The following PA2G4 variants were observed in gnomAD, a reference collection of about 807,000 sequenced individuals.
PA2G4 encodes proliferation-associated protein 2G4.
Under a neutral mutation model 53.3 loss-of-function variants are expected in PA2G4, and 8 were observed. The observed-to-expected ratio is 0.15, with a 90% CI of 0.09 to 0.27. The LOEUF (loss-of-function observed/expected upper bound fraction) is 0.27. Ranked by LOEUF, PA2G4 falls within the 10% of genes least tolerant of loss-of-function variation. The pLI is 1.00. For synonymous variants in PA2G4, 143 were observed against 169.8 expected (o/e 0.84, Z 1.23); for missense variants, 208 against 486.8 (o/e 0.43, Z 5.39).
At chr12:56,105,139 T>C (rs547546684) in intron 1 of PA2G4, 43 of 609,278 alleles carry the variant, frequency 7.1e-5, no homozygotes, top group Non-Finnish European at 9.5e-5. Context: ...TCATTCCCGA[T>C]TATTGCTTCC....
rs1869319252 is a variant in PA2G4, at chr12:56,107,174, T to C, written c.324-13T>C. ...GCCAGTTCCTAATGCAGTACTCTGA[T>C]CTTGCCTTTCAGTGACCTTGGGGTC... On this transcript the variant is annotated splice_polypyrimidine_tract_variant and intron_variant, in intron 3 of 12. Transcript: ENST00000303305. 6.2e-7 allele frequency: 1 copy of C among 1,612,368 alleles called. No individual in the cohort carries two copies. The highest frequency in any genetic ancestry group is 8.5e-7 in the Non-Finnish European group (1 of 1,178,364).
intron 7 of PA2G4, 152 bp downstream of exon 7, chr12:56,110,087 G>A (rs1404899799): frequency 1.6e-5 from 11 of 673,898 alleles, no homozygotes; most frequent in African/African-American, 3.5e-5. Context: ...GGCCGGGCGC[G>A]GTGGCTCACG....
At position 56,113,770 on chromosome 12, in the gene PA2G4, G is replaced by A; in HGVS notation, c.*882G>A. ...GCTATGGACTTGGATTGGATTGCTG[G>A]GGGTTTGTAGAGAAAGGTGACAAAT... On this transcript the variant is annotated 3_prime_UTR_variant, in exon 13 of 13. Transcript: ENST00000303305. 1.4e-6 allele frequency: 1 copy of A among 693,762 alleles called. No individual in the cohort carries two copies. The allele number at this position is 693,762 out of a possible 1,614,324, so 43.0% of individuals were successfully genotyped here. A position where few individuals can be genotyped will look rare whatever the true frequency, so the allele number is the denominator to read the frequency against.
Position 56,106,663 on chromosome 12 carries a change from T to C in PA2G4, c.164T>C (p.Met55Thr), listed in dbSNP as rs1869308384. ...VLSLCEKGDA[M>T]IMEETGKIFK... ...AGCCTGTGTGAGAAAGGTGATGCCATGATTATGGAAGAAACAGGGAAAATC... is the reference window on the plus strand; with the variant it reads ...AGCCTGTGTGAGAAAGGTGATGCCACGATTATGGAAGAAACAGGGAAAATC... The change falls in exon 2 of 13, where the codon ATG becomes ACG. Residue 55 changes from methionine (M) to threonine (T), a missense_variant. Physicochemically the swap from Met to Thr is moderately conservative, Grantham distance 81. Coordinates refer to ENST00000303305, the MANE Select transcript of PA2G4 (RefSeq NM_006191.3). 1.2e-6 allele frequency: 2 copies of C among 1,604,962 alleles called. No individual in the cohort carries two copies. The highest frequency in any genetic ancestry group is 1.7e-6 in the Non-Finnish European group (2 of 1,177,786).
In PA2G4 at chr12:56,110,586, A is replaced by G. The variant is rs367700438; in HGVS notation, c.736A>G (p.Ile246Val). The G allele has an allele frequency of 7.4e-6, 12 of 1,613,988 alleles. No individual in the cohort carries two copies. The highest frequency in any genetic ancestry group is 1.3e-5 in the African/African-American group (1 of 74,900). The change falls in exon 9 of 13, where the codon ATT becomes GTT. Residue 246 changes from isoleucine to valine, a missense_variant. Physicochemically the swap from Ile to Val is conservative, Grantham distance 29 (BLOSUM62 3). Coordinates refer to ENST00000303305, the MANE Select transcript of PA2G4 (RefSeq NM_006191.3). ...CAAGGATGCAGGACAGAGAACCACT[A>G]TTTACAAACGAGACCCCTCTAAACA... Reference protein sequence around the residue: ...KAKDAGQRTTIYKRDPSKQYG... With the variant: ...KAKDAGQRTTVYKRDPSKQYG...
In PA2G4 at chr12:56,111,016, C is replaced by T; in HGVS notation, c.895C>T (p.His299Tyr). The stretch of plus-strand genomic sequence containing the variant: ...GATGGGTGTGGTGGAGTGCGCCAAA[C>T]ATGAACTGCTGCAACCATTTAATGT... ...ARMGVVECAK[H>Y]ELLQPFNVLY... The change falls in exon 10 of 13, where the codon CAT becomes TAT. Residue 299 changes from histidine to tyrosine, a missense_variant. Physicochemically the swap from His to Tyr is moderately conservative, Grantham distance 83. Transcript: ENST00000303305. 1.2e-6 allele frequency: 2 copies of T among 1,613,716 alleles called. No homozygotes were observed. Among genetic ancestry groups the T allele is most frequent in the Non-Finnish European group, 8.5e-7 (1 of 1,180,024 alleles).
In PA2G4 at chr12:56,104,651, G is replaced by T. The variant is rs1205999905; in HGVS notation, c.-87G>T. The T allele has an allele frequency of 1.6e-6, 2 of 1,224,118 alleles. No individual in the cohort carries two copies. Among genetic ancestry groups the T allele is most frequent in the East Asian group, 2.3e-5 (1 of 43,118 alleles). The allele number at this position is 1,224,118 out of a possible 1,614,324, so 75.8% of individuals were successfully genotyped here. The stretch of plus-strand genomic sequence containing the variant: ...TCGCCCTCTCCTCGAGGATCGAGGG[G>T]ACTCTGACCACAGCCTGTGGCTGGG... On this transcript the variant is annotated 5_prime_UTR_variant, in exon 1 of 13. Transcript: ENST00000303305.
At chr12:56,108,519 T>C (rs1869347559) in intron 5 of PA2G4, among the ~76,000 whole-genome samples, 1 of 152,176 alleles carries the variant, frequency 6.6e-6, no homozygotes, top group Non-Finnish European at 1.5e-5. Context: ...ATATAGTATT[T>C]AGTAAATTAC....
Position 56,109,899 on chromosome 12 carries a change from A to G in PA2G4, c.593A>G (p.Glu198Gly). The change falls in exon 7 of 13, where the codon GAA becomes GGA. Residue 198 changes from glutamate to glycine, a missense_variant. Glu to Gly is a moderately conservative substitution (Grantham distance 98). This residue lies in a region of PA2G4 where 143 missense variants were observed against 386.8 expected (regional missense o/e 0.37). Coordinates refer to ENST00000303305, the MANE Select transcript of PA2G4 (RefSeq NM_006191.3). The part of the protein sequence containing the change: ...HQLKQHVIDG[E>G]KTIIQNPTDQ... ...TTGAAGCAGCATGTCATCGATGGAG[A>G]AAAAACCATTATCCAGAATCCCACA... is the stretch of plus-strand genomic sequence containing the variant. 2 of 1,613,870 alleles carry G rather than the reference A, an allele frequency of 1.2e-6. No homozygotes were observed. Among genetic ancestry groups the G allele is most frequent in the South Asian group, 1.1e-5 (1 of 91,082 alleles).
chr12:56,111,337 A>G, intron 11 of PA2G4, 28 bp downstream of exon 11: 2 of 1,613,940 alleles, frequency 1.2e-6, no homozygotes, highest in Non-Finnish European at 1.7e-6. Context: ...GGTGGTGAGT[A>G]TGTACATGGT....
Position 56,104,625 on chromosome 12 carries a change from C to A in PA2G4, c.-113C>A. 1.9e-6 allele frequency: 2 copies of A among 1,056,538 alleles called. No individual in the cohort carries two copies. The highest frequency in any genetic ancestry group is 3.0e-6 in the Non-Finnish European group (2 of 670,810). 65.4% of individuals were successfully genotyped at this position (1,056,538 alleles called of 1,614,324 possible). A position where few individuals can be genotyped will look rare whatever the true frequency, so the allele number is the denominator to read the frequency against. Reference sequence around the variant, plus strand: ...GCTCCCTTGCTTGCTCGCGCTTTCGCTCGCCCTCTCCTCGAGGATCGAGGG... The same window carrying A: ...GCTCCCTTGCTTGCTCGCGCTTTCGATCGCCCTCTCCTCGAGGATCGAGGG... On this transcript the variant is annotated 5_prime_UTR_variant, in exon 1 of 13. Transcript: ENST00000303305.
At chr12:56,109,771 A>T in intron 6 of PA2G4, 86 bp from the exon 7 acceptor site, 1 of 898,040 alleles carries the variant, frequency 1.1e-6, no homozygotes, top group Non-Finnish European at 1.9e-6. Flanking sequence ...CTCACTGCCT[A>T]CCACTTCAAA....
chr12:56,111,223 C>T lies in PA2G4; in HGVS notation c.979C>T (p.Pro327Ser). 6.2e-7 allele frequency: 1 copy of T among 1,614,032 alleles called. No homozygotes were observed. Among genetic ancestry groups the T allele is most frequent in the African/African-American group, 1.3e-5 (1 of 75,034 alleles). ...GTTTAAATTTACAGTTCTGCTCATG[C>T]CCAATGGCCCCATGCGGATAACCAG... Reference protein sequence around the residue: ...AQFKFTVLLMPNGPMRITSGP... With the variant: ...AQFKFTVLLMSNGPMRITSGP... Residue 327 changes from proline to serine, a missense_variant, in exon 11 of 13, where the codon CCC becomes TCC. Coordinates refer to ENST00000303305, the MANE Select transcript of PA2G4 (RefSeq NM_006191.3).
chr12:56,110,285 G>T, intron 7 of PA2G4, 114 bp from the exon 8 acceptor site: 1 of 681,758 alleles, frequency 1.5e-6, no homozygotes, highest in African/African-American at 1.8e-5. Flanking sequence ...GCTTGGACCC[G>T]GGAGGTGGAG....
Position 56,113,024 on chromosome 12 carries a change from C to A in PA2G4, c.*136C>A. On this transcript the variant is annotated 3_prime_UTR_variant, in exon 13 of 13. Coordinates refer to ENST00000303305, the MANE Select transcript of PA2G4 (RefSeq NM_006191.3). ...GGATCTCCCTGCCCCCACCCCAGTT[C>A]CCCAACCCACTCCCTTCCAACAACA... is the stretch of plus-strand genomic sequence containing the variant. 1.9e-6 allele frequency: 1 copy of A among 538,928 alleles called. No homozygotes were observed. The highest frequency in any genetic ancestry group is 2.7e-5 in the South Asian group (1 of 36,696). 33.4% of individuals were successfully genotyped at this position (538,928 alleles called of 1,614,324 possible).
intron 5 of PA2G4, 38 bp from the exon 6 acceptor site, chr12:56,109,192 C>T: frequency 7.1e-7 from 1 of 1,411,342 alleles, no homozygotes; most frequent in East Asian, 2.3e-5. Context: ...CTTATTAGCT[C>T]CTGATATCTC....
intron 2 of PA2G4, 82 bp from the exon 3 acceptor site, chr12:56,106,908 A>G: frequency 7.5e-7 from 1 of 1,331,848 alleles, no homozygotes; most frequent in East Asian, 2.3e-5. Context: ...CAAGACCCTG[A>G]AAAAATCCTT....
rs1869411407 is a variant in PA2G4, at chr12:56,111,094, G to A, written c.937+36G>A. On this transcript the variant is annotated intron_variant, in intron 10 of 12. Transcript: ENST00000303305. ...AAAAGAGCTTCACTTTGGATTCCCTGATTATAAGATATCCTTCCTGTAAGT... is the reference window on the plus strand; with the variant it reads ...AAAAGAGCTTCACTTTGGATTCCCTAATTATAAGATATCCTTCCTGTAAGT... 2.5e-6 allele frequency: 4 copies of A among 1,612,484 alleles called. No individual in the cohort carries two copies. The Admixed American group carries it at 5.0e-5, about 20-fold the overall frequency.
At chr12:56,112,184 C>T (rs1869443892) in intron 12 of PA2G4, among the ~76,000 whole-genome samples, 1 of 152,160 alleles carries the variant, frequency 6.6e-6, no homozygotes, top group Non-Finnish European at 1.5e-5. Flanking sequence ...TCACTGTATC[C>T]TCAAACTCCT....
Sources: allele counts gnomAD v4.1 joint callset (sites outside exome capture counted in the v4.1 genomes callset), GRCh38; gene constraint gnomAD v4.1.1; regional missense constraint gnomAD v4.1.1; transcripts MANE v1.5; gene names NCBI Gene and HGNC (gene_info 2026-07-23, HGNC 2026-07-21).